Variants in MBNL3 observed in about 807,000 individuals in gnomAD.
MBNL3 encodes the protein muscleblind like splicing regulator 3.
A neutral mutation model predicts 24.5 loss-of-function variants in MBNL3; 6 were observed. The ratio of observed to expected loss-of-function variants is 0.25; its 90% CI spans 0.13 to 0.48. The LOEUF is 0.48. MBNL3 is among the 20% of genes least tolerant of loss of function. MBNL3 has a pLI of 0.99. For missense variants in MBNL3, 230 were observed against 293.5 expected (o/e 0.78, Z 1.58); for synonymous variants, 100 against 101.7 (o/e 0.98, Z 0.10).
intron 1 of MBNL3, among the ~76,000 whole-genome samples, chrX:132,448,658 T>C (rs1311386510): frequency 9.0e-6 from 1 of 111,701 alleles, no homozygotes; most frequent in Non-Finnish European, 1.9e-5. Flanking sequence ...GCTCTGATCT[T>C]AGTTATTACT....
intron 2 of MBNL3, chrX:132,413,740 G>A: frequency 3.8e-6 from 2 of 521,573 alleles, no homozygotes; most frequent in Admixed American, 4.5e-5. Context: ...AAATACCCTC[G>A]ATGTCTGCTG....
intron 1 of MBNL3, among the ~76,000 whole-genome samples, chrX:132,461,732 C>CA (rs768974484): frequency 5.7e-4 from 63 of 111,247 alleles, no homozygotes; most frequent in Non-Finnish European, 1.1e-3. Flanking sequence ...TCTATGTAAA[C>CA]AAAAAAATAA....
intron 1 of MBNL3, among the ~76,000 whole-genome samples, chrX:132,476,925 C>T (rs1234696803): frequency 9.0e-6 from 1 of 111,542 alleles, no homozygotes; most frequent in Non-Finnish European, 1.9e-5. Context: ...CACTCAAACC[C>T]CCCACACCTT....
Position 132,378,444 on chromosome X carries a change from T to C in MBNL3, c.*1222A>G, listed in dbSNP as rs1191006586. On this transcript the variant is annotated 3_prime_UTR_variant, in exon 9 of 9. Coordinates refer to ENST00000370853, the MANE Select transcript of MBNL3 (RefSeq NM_001386889.1). Reference sequence around the variant, plus strand: ...GTCCTCATTTGCAACCAATTCTCTTTCACCCTGACTGACTTTTGCTAGATT... The same window carrying C: ...GTCCTCATTTGCAACCAATTCTCTTCCACCCTGACTGACTTTTGCTAGATT... 8.9e-6 allele frequency: 1 copy of C among 111,799 alleles called. No individual in the cohort carries two copies. The highest frequency in any genetic ancestry group is 1.9e-5 in the Non-Finnish European group (1 of 53,073). 9.2% of individuals were successfully genotyped at this position (111,799 alleles called of 1,213,427 possible). A position where few individuals can be genotyped will look rare whatever the true frequency, so the allele number is the denominator to read the frequency against.
intron 2 of MBNL3, among the ~76,000 whole-genome samples, chrX:132,422,942 C>G (rs1261014898): frequency 8.9e-6 from 1 of 111,797 alleles, no homozygotes; most frequent in African/African-American, 3.3e-5. Context: ...TAGTCTGCCA[C>G]ATTTTTGAGA....
chrX:132,464,456 T>C (rs1157182981), intron 1 of MBNL3, among the ~76,000 whole-genome samples: 1 of 112,181 alleles, frequency 8.9e-6, no homozygotes. Context: ...ATCAAGAATA[T>C]CTTCTCCTCA....
chrX:132,429,874 A>G (rs1480774802), intron 2 of MBNL3: 4 of 112,254 alleles, frequency 3.6e-5, no homozygotes, highest in Non-Finnish European at 7.5e-5. Flanking sequence ...TGATAACTGC[A>G]TATGTGAACT....
chrX:132,396,381 CATATATATATTCCT>C (rs1569423456), intron 3 of MBNL3, among the ~76,000 whole-genome samples: 1 of 76,011 alleles, frequency 1.3e-5, no homozygotes, highest in East Asian at 3.7e-4. Flanking sequence ...CATATATATT[CATATATATATTCCT>C]ATATATATTC....
In MBNL3 at chrX:132,372,482, A is replaced by G. The variant is rs1164596766; in HGVS notation, c.*7184T>C. 1 of 107,853 alleles carries G rather than the reference A, an allele frequency of 9.3e-6. No individual in the cohort carries two copies. The highest frequency in any genetic ancestry group is 1.9e-5 in the Non-Finnish European group (1 of 52,159). 8.9% of individuals were successfully genotyped at this position (107,853 alleles called of 1,213,427 possible). Reference sequence around the variant, plus strand: ...ATAATATTAAAATATTATTAATATTATAATATTAAAATAATATTAAAATAT... The same window carrying G: ...ATAATATTAAAATATTATTAATATTGTAATATTAAAATAATATTAAAATAT... On this transcript the variant is annotated 3_prime_UTR_variant, in exon 9 of 9. Coordinates refer to ENST00000370853, the MANE Select transcript of MBNL3 (RefSeq NM_001386889.1).
In MBNL3 at chrX:132,464,509, C is replaced by G. The variant is rs368458190; in HGVS notation, c.-703-24195G>C. Among the ~76,000 whole-genome samples, 27 of 111,786 alleles carry G rather than the reference C, an allele frequency of 2.4e-4. No individual in the cohort carries two copies. In the South Asian group the frequency reaches 0.01, roughly 42 times the overall value. ...AAAATAACAGTAAAGAATGAAGGGG[C>G]TCTTGGTTTTCACATCTAGGTGGGA... On this transcript the variant is annotated intron_variant, in intron 1 of 8. Coordinates refer to ENST00000370853, the MANE Select transcript of MBNL3 (RefSeq NM_001386889.1).
In MBNL3 at chrX:132,476,723, G is replaced by A. The variant is rs1947458853; in HGVS notation, c.-704+12128C>T. Among the ~76,000 whole-genome samples, 4 of 112,078 alleles carry A rather than the reference G, an allele frequency of 3.6e-5. No homozygotes were observed. The South Asian group carries it at 1.5e-3, about 42-fold the overall frequency. Reference sequence around the variant, plus strand: ...TGCATGAAATGAATGATAAGTTGGTGTTTAGTTGGCTTGAGCACTCCCTCT... The same window carrying A: ...TGCATGAAATGAATGATAAGTTGGTATTTAGTTGGCTTGAGCACTCCCTCT... On this transcript the variant is annotated intron_variant, in intron 1 of 8. Coordinates refer to ENST00000370853, the MANE Select transcript of MBNL3 (RefSeq NM_001386889.1).
chrX:132,482,485 G>T (rs952729225), intron 1 of MBNL3, among the ~76,000 whole-genome samples: 1 of 110,958 alleles, frequency 9.0e-6, no homozygotes, highest in East Asian at 2.9e-4. Context: ...CTTCTATGGC[G>T]AGCGGGACCT....
rs1432834284 is a variant in MBNL3, at chrX:132,378,389, A to T, written c.*1277T>A. 1 of 111,806 alleles carries T rather than the reference A, an allele frequency of 8.9e-6. No homozygotes were observed. The highest frequency in any genetic ancestry group is 2.8e-4 in the East Asian group (1 of 3,571). The allele number at this position is 111,806 out of a possible 1,213,427, so 9.2% of individuals were successfully genotyped here. On this transcript the variant is annotated 3_prime_UTR_variant, in exon 9 of 9. Transcript: ENST00000370853. ...TGTACTCAGGCTCCCTCTGTGATCA[A>T]CAGAGAAGACTGTCCATTTGGGGAG...
chrX:132,468,663 A>G (rs891011746), intron 1 of MBNL3, among the ~76,000 whole-genome samples: 1 of 112,324 alleles, frequency 8.9e-6, no homozygotes, highest in Non-Finnish European at 1.9e-5. Context: ...AGATGAGGAA[A>G]CTGAGACACA....
At chrX:132,470,490 A>G (rs1475828412) in intron 1 of MBNL3, among the ~76,000 whole-genome samples, 1 of 111,867 alleles carries the variant, frequency 8.9e-6, no homozygotes, top group East Asian at 2.8e-4. Flanking sequence ...TGTAATTTCA[A>G]AAATGCTATA....
chrX:132,485,252 G>A (rs1483039535), intron 1 of MBNL3, among the ~76,000 whole-genome samples: 1 of 111,281 alleles, frequency 9.0e-6, no homozygotes, highest in Non-Finnish European at 1.9e-5. Flanking sequence ...CCACTAATTT[G>A]TACACTCATG....
chrX:132,411,352 T>C, intron 2 of MBNL3: 1 of 754,012 alleles, frequency 1.3e-6, no homozygotes, highest in Non-Finnish European at 1.6e-6. Flanking sequence ...ACTTTTACAT[T>C]TTGATCTCCC....
chrX:132,396,913 T>A lies in MBNL3; in HGVS notation c.343-4579A>T, dbSNP rs1277841254. Among the ~76,000 whole-genome samples, 237 of 71,409 alleles carry A rather than the reference T, an allele frequency of 3.3e-3. 1 individual carries two copies. The highest frequency in any genetic ancestry group is 5.0e-3 in the Non-Finnish European group (201 of 40,323). The allele number at this position is 71,409 out of a possible 115,157, so 62.0% of individuals were successfully genotyped here. ...ATATATATATTCATATATACATATA[T>A]ACATATATATTCATATATACATTCA... is the stretch of plus-strand genomic sequence containing the variant. On this transcript the variant is annotated intron_variant, in intron 3 of 8. Coordinates refer to ENST00000370853, the MANE Select transcript of MBNL3 (RefSeq NM_001386889.1).
chrX:132,372,481 TATAATATTAAA>T lies in MBNL3; in HGVS notation c.*7174_*7184del, dbSNP rs1381822198. On this transcript the variant is annotated 3_prime_UTR_variant, in exon 9 of 9. Coordinates refer to ENST00000370853, the MANE Select transcript of MBNL3 (RefSeq NM_001386889.1). ...AATAATATTAAAATATTATTAATAT[TATAATATTAAA>T]ATAATATTAAAATATTAATAAATAA... 1 of 107,814 alleles carries T rather than the reference TATAATATTAAA, an allele frequency of 9.3e-6. No individual in the cohort carries two copies. Among genetic ancestry groups the T allele is most frequent in the Admixed American group, 1.0e-4 (1 of 9,875 alleles). 8.9% of individuals were successfully genotyped at this position (107,814 alleles called of 1,213,427 possible). A position where few individuals can be genotyped will look rare whatever the true frequency, so the allele number is the denominator to read the frequency against.
Sources: gnomAD v4.1 joint callset for allele counts (sites outside exome capture counted in the v4.1 genomes callset) on GRCh38, gnomAD v4.1.1 for gene constraint, MANE v1.5 for transcripts, NCBI Gene and HGNC (gene_info 2026-07-23, HGNC 2026-07-21) for gene names.